PARP15: variants seen among roughly 807,000 people sequenced by gnomAD.
PARP15 encodes poly(ADP-ribose) polymerase family member 15.
PARP15 carries 50 observed loss-of-function variants against 62.1 expected under a neutral mutation model. The ratio of observed to expected loss-of-function variants is 0.81; its 90% CI spans 0.64 to 1.02. PARP15 has a LOEUF of 1.02. Among genes scored for constraint, PARP15 ranks in the 50% least tolerant of loss-of-function variants. The pLI, the probability that PARP15 is intolerant of heterozygous loss-of-function variation, is 0.00. For missense variants in PARP15, 820 were observed against 826.5 expected, an observed-to-expected ratio of 0.99 and a Z score of 0.10; for synonymous variants, 309 against 293.1, an observed-to-expected ratio of 1.05 and a Z score of -0.55.
intron 1 of PARP15, among the ~76,000 whole-genome samples, chr3:122,581,743 C>T (rs760760176): frequency 9.9e-5 from 15 of 152,162 alleles, no homozygotes; most frequent in Non-Finnish European, 1.0e-4. Context: ...TTTTGCTTCA[C>T]GTAGTCCATT....
intron 9 of PARP15, among the ~76,000 whole-genome samples, chr3:122,631,666 G>GCTTTAAATGT (rs1258681179): frequency 3.3e-5 from 5 of 152,294 alleles, no homozygotes; most frequent in African/African-American, 1.2e-4. Flanking sequence ...AGAACAATGT[G>GCTTTAAATGT]CTTTAAATGT....
In PARP15 at chr3:122,621,540, C is replaced by T. The variant is rs558341378; in HGVS notation, c.1160C>T (p.Thr387Met). ...HVPGGKDVRK[T>M]VTSVLEECEQ... ...CCTGGGGGAAAAGATGTCAGGAAAA[C>T]GGTCACCAGTGTTCTAGAAGAGTGT... is the stretch of plus-strand genomic sequence containing the variant. The change falls in exon 8 of 12, where the codon ACG (threonine) becomes ATG (methionine). Residue 387 changes from threonine (T) to methionine (M), a missense_variant. By Grantham distance (81) the Thr-to-Met change is moderately conservative. Around this residue, in one of 3 missense-constraint regions of PARP15, gnomAD observed 731 missense variants for 727.7 expected, o/e 1.00. Transcript: ENST00000464300. 68 of 1,613,936 alleles carry T rather than the reference C, an allele frequency of 4.2e-5. No homozygotes were observed. Among genetic ancestry groups the T allele is most frequent in the Middle Eastern group, 3.3e-4 (2 of 6,062 alleles).
intron 1 of PARP15, among the ~76,000 whole-genome samples, chr3:122,600,117 G>T (rs1026148736): frequency 6.6e-6 from 1 of 152,156 alleles, no homozygotes; most frequent in African/African-American, 2.4e-5. Context: ...ATTATTAAAT[G>T]TTATTTAAGT....
intron 9 of PARP15, among the ~76,000 whole-genome samples, chr3:122,628,822 A>G (rs1218157406): frequency 1.3e-5 from 2 of 152,248 alleles, no homozygotes; most frequent in Non-Finnish European, 2.9e-5. Flanking sequence ...GGAATAATAC[A>G]GATGAAATAT....
chr3:122,633,561 C>T (rs531792121), intron 10 of PARP15, among the ~76,000 whole-genome samples: 1 of 151,718 alleles, frequency 6.6e-6, no homozygotes, highest in South Asian at 2.1e-4. Context: ...GTCATTATTC[C>T]CTAAACAATA....
At chr3:122,581,828 A>G (rs541124646) in intron 1 of PARP15, among the ~76,000 whole-genome samples, 1 of 152,250 alleles carries the variant, frequency 6.6e-6, no homozygotes, top group Admixed American at 6.5e-5. Flanking sequence ...AATGCCATCA[A>G]GCTTTTCTTT....
chr3:122,590,647 A>G (rs1169436319), intron 1 of PARP15, among the ~76,000 whole-genome samples: 3 of 123,444 alleles, frequency 2.4e-5, no homozygotes, highest in South Asian at 2.5e-4. Context: ...GATTTTTACT[A>G]CTTCTAAGGA....
At chr3:122,581,369 C>T (rs2080798372) in intron 1 of PARP15, among the ~76,000 whole-genome samples, 1 of 152,166 alleles carries the variant, frequency 6.6e-6, no homozygotes, top group Admixed American at 6.5e-5. Context: ...CTTGACAATA[C>T]TTGTTATTTA....
chr3:122,621,559 A>G lies in PARP15; in HGVS notation c.1179A>G (p.Glu393=), dbSNP rs745593676. Residue 393 remains glutamate (E), a synonymous_variant, in exon 8 of 12, where the codon GAA becomes GAG. Transcript: ENST00000464300. ...DVRKTVTSVL[E]ECEQRKYTSV... ...GGAAAACGGTCACCAGTGTTCTAGA[A>G]GAGTGTGAACAGAGGAAGTACACAT... The G allele has an allele frequency of 1.2e-6, 2 of 1,613,958 alleles. No homozygotes were observed. The highest frequency in any genetic ancestry group is 4.5e-5 in the East Asian group (2 of 44,884).
Position 122,612,907 on chromosome 3 carries a change from C to T in PARP15, c.544-134C>T. 1.5e-5 allele frequency: 11 copies of T among 739,868 alleles called. No individual in the cohort carries two copies. In the Admixed American group the frequency reaches 2.3e-4, roughly 16 times the overall value. The allele number at this position is 739,868 out of a possible 1,614,324, so 45.8% of individuals were successfully genotyped here. A position where few individuals can be genotyped will look rare whatever the true frequency, so the allele number is the denominator to read the frequency against. On this transcript the variant is annotated intron_variant, in intron 3 of 11. Coordinates refer to ENST00000464300, the MANE Select transcript of PARP15 (RefSeq NM_001113523.3). ...GTACTCTGCCCTGTTTTTGTTTCCT[C>T]TTTCTGACTTCTCAGGCCCTGACTA...
At chr3:122,616,389 G>A (rs1188549907) in intron 5 of PARP15, among the ~76,000 whole-genome samples, 2 of 150,344 alleles carry the variant, frequency 1.3e-5, no homozygotes, top group Non-Finnish European at 3.0e-5. Context: ...GAGTGCAGTG[G>A]CGTGATCTTG....
In PARP15 at chr3:122,626,026, G is replaced by T. The variant is rs6798372; in HGVS notation, c.1232-801G>T. ...GGAGAGTGTTAGAAAGGACTTAATGGATTTGGGCTTGTTTTAGGTGATTTT... is the reference window on the plus strand; with the variant it reads ...GGAGAGTGTTAGAAAGGACTTAATGTATTTGGGCTTGTTTTAGGTGATTTT... On this transcript the variant is annotated intron_variant, in intron 8 of 11. Coordinates refer to ENST00000464300, the MANE Select transcript of PARP15 (RefSeq NM_001113523.3). Among the ~76,000 whole-genome samples the T allele has an allele frequency of 8.6e-3, 1,310 of 152,228 alleles. 21 individuals carry two copies. The highest frequency in any genetic ancestry group is 0.03 in the African/African-American group (1,234 of 41,520).
chr3:122,592,685 G>A (rs545885367), intron 1 of PARP15, among the ~76,000 whole-genome samples: 1 of 151,564 alleles, frequency 6.6e-6, no homozygotes, highest in Admixed American at 6.6e-5. Context: ...ACATAGCACT[G>A]TTCTAACCAT....
chr3:122,609,297 T>G (rs1478628658), intron 2 of PARP15, among the ~76,000 whole-genome samples: 1 of 152,160 alleles, frequency 6.6e-6, no homozygotes, highest in African/African-American at 2.4e-5. Context: ...TATAAGTGGA[T>G]CCAAGAATGC....
At position 122,635,752 on chromosome 3, in the gene PARP15, G is replaced by C. The variant is rs150929662; in HGVS notation, c.1748-59G>C. On this transcript the variant is annotated intron_variant, in intron 11 of 11. Transcript: ENST00000464300. Reference sequence around the variant, plus strand: ...AAAACAATTTTGTCAGATTGGGCATGGTTCTACACATTGTGTAATTTTATA... The same window carrying C: ...AAAACAATTTTGTCAGATTGGGCATCGTTCTACACATTGTGTAATTTTATA... 4.2e-5 allele frequency: 64 copies of C among 1,525,560 alleles called. No homozygotes were observed. The East Asian group carries it at 1.4e-3, about 35-fold the overall frequency. 94.5% of individuals were successfully genotyped at this position (1,525,560 alleles called of 1,614,324 possible). A position where few individuals can be genotyped will look rare whatever the true frequency, so the allele number is the denominator to read the frequency against.
In PARP15 at chr3:122,620,917, A is replaced by G. The variant is rs141781186; in HGVS notation, c.1064-527A>G. ...GGCCCTCATAATTTCCATGTGCTCAAGAGCTCTAGGGTCCTGAGCCAAGGA... is the reference window on the plus strand; with the variant it reads ...GGCCCTCATAATTTCCATGTGCTCAGGAGCTCTAGGGTCCTGAGCCAAGGA... On this transcript the variant is annotated intron_variant, in intron 7 of 11. Transcript: ENST00000464300. 2.0e-3 allele frequency among the ~76,000 whole-genome samples: 309 copies of G among 152,308 alleles called. 2 individuals carry two copies. Among genetic ancestry groups the G allele is most frequent in the African/African-American group, 7.2e-3 (299 of 41,560 alleles).
At chr3:122,598,908 TGA>T (rs1934570790) in intron 1 of PARP15, among the ~76,000 whole-genome samples, 1 of 152,188 alleles carries the variant, frequency 6.6e-6, no homozygotes, top group Non-Finnish European at 1.5e-5. Context: ...TTTATTTTTT[TGA>T]GATGGAGTTT....
intron 10 of PARP15, among the ~76,000 whole-genome samples, chr3:122,632,957 A>G (rs908407221): frequency 5.9e-5 from 9 of 152,212 alleles, no homozygotes; most frequent in African/African-American, 2.2e-4. Context: ...ACTATGCTGC[A>G]TAAAAATATT....
intron 1 of PARP15, 109 bp downstream of exon 1, chr3:122,577,962 C>A: frequency 8.0e-7 from 1 of 1,247,520 alleles, no homozygotes; most frequent in East Asian, 2.7e-5. Flanking sequence ...ACGCACAACC[C>A]TCTCTTCTAG....
Sources: gnomAD v4.1 joint callset for allele counts (sites outside exome capture counted in the v4.1 genomes callset) on GRCh38, gnomAD v4.1.1 for gene constraint, gnomAD v4.1.1 regional missense constraint, MANE v1.5 for transcripts, NCBI Gene and HGNC (gene_info 2026-07-23, HGNC 2026-07-21) for gene names.